Variants in SV2C observed in about 807,000 individuals in gnomAD.
The protein encoded by SV2C is solute carrier family 22 member B3.
SV2C carries 49 observed loss-of-function variants against 79.7 expected under a neutral mutation model. The ratio of observed to expected loss-of-function variants is 0.61; its 90% CI spans 0.49 to 0.78. The LOEUF (loss-of-function observed/expected upper bound fraction) is 0.78, where lower values mean the gene tolerates loss of function less well. Among genes scored for constraint, SV2C ranks in the 30% least tolerant of loss-of-function variants. SV2C has a pLI of 0.00. For synonymous variants in SV2C, 334 were observed against 333.2 expected, an observed-to-expected ratio of 1.00 and a Z score of -0.03; for missense variants, 833 against 912.9, an observed-to-expected ratio of 0.91 and a Z score of 1.13.
the SV2C span, among the ~76,000 whole-genome samples, chr5:75,984,158 T>C: frequency 2.0e-5 from 3 of 152,170 alleles, no homozygotes; most frequent in East Asian, 3.9e-4. Context: ...TAAAATACTC[T>C]AATGGAAACT....
At chr5:76,212,097 A>AT (rs543718592) in intron 4 of SV2C, among the ~76,000 whole-genome samples, 24,893 of 147,544 alleles carry the variant, frequency 0.17, 2,164 homozygotes, top group Non-Finnish European at 0.19. Flanking sequence ...GGAATTCAAG[A>AT]TTTTTTTTTT....
downstream of SV2C, among the ~76,000 whole-genome samples, chr5:76,337,718 C>G (rs894448711): frequency 6.6e-6 from 1 of 152,160 alleles, no homozygotes; most frequent in Non-Finnish European, 1.5e-5. Context: ...AAGCCAGAAA[C>G]AGATAATTCT....
the SV2C span, among the ~76,000 whole-genome samples, chr5:76,077,153 C>T: frequency 2.6e-5 from 4 of 152,020 alleles, no homozygotes; most frequent in Non-Finnish European, 5.9e-5. Context: ...CCTAATTAAA[C>T]GACACATATG....
chr5:76,117,685 C>A (rs1337334863), intron 1 of SV2C, among the ~76,000 whole-genome samples: 1 of 151,936 alleles, frequency 6.6e-6, no homozygotes, highest in African/African-American at 2.4e-5. Flanking sequence ...ATTTTAATAA[C>A]TATTTCTGAG....
the SV2C span, among the ~76,000 whole-genome samples, chr5:75,978,643 A>G: frequency 6.6e-6 from 1 of 152,340 alleles, no homozygotes; most frequent in Admixed American, 6.5e-5. Flanking sequence ...TAGATTATTA[A>G]TAATTTAGTT....
intron 9 of SV2C, 63 bp from the exon 10 acceptor site, chr5:76,298,731 T>G (rs979346209): frequency 1.3e-6 from 2 of 1,580,778 alleles, no homozygotes; most frequent in Non-Finnish European, 1.7e-6. Context: ...ACTATTTGAC[T>G]TAGCTTTGAA....
intron 2 of SV2C, among the ~76,000 whole-genome samples, chr5:76,188,710 A>G (rs1470027129): frequency 6.6e-6 from 1 of 152,172 alleles, no homozygotes; most frequent in African/African-American, 2.4e-5. Flanking sequence ...ATTTCTAATC[A>G]GACACAGAAT....
chr5:75,910,109 C>A, the SV2C span, among the ~76,000 whole-genome samples: 89,209 of 151,950 alleles, frequency 0.59, 27,603 homozygotes, highest in African/African-American at 0.8. Flanking sequence ...CTCAACAAAC[C>A]TTTGATTGAT....
chr5:76,159,456 A>G (rs1357959657), intron 2 of SV2C, among the ~76,000 whole-genome samples: 1 of 152,134 alleles, frequency 6.6e-6, no homozygotes, highest in Non-Finnish European at 1.5e-5. Flanking sequence ...GGCTGCCATA[A>G]CAAAGTACCA....
At chr5:75,901,805 C>A in the SV2C span, among the ~76,000 whole-genome samples, 1 of 152,236 alleles carries the variant, frequency 6.6e-6, no homozygotes, top group African/African-American at 2.4e-5. Flanking sequence ...GGTGCCCCTC[C>A]CCCAGCCTTG....
chr5:76,345,663 T>C (rs1749524352), intron 12 of SV2C, among the ~76,000 whole-genome samples: 1 of 152,212 alleles, frequency 6.6e-6, no homozygotes, highest in Non-Finnish European at 1.5e-5. Context: ...GCTAACTCAA[T>C]AGTAATAGCT....
intron 4 of SV2C, among the ~76,000 whole-genome samples, chr5:76,225,990 A>G (rs1745225238): frequency 6.6e-6 from 1 of 152,190 alleles, no homozygotes; most frequent in Non-Finnish European, 1.5e-5. Flanking sequence ...GGTAAGAGCA[A>G]AGAGTCCTGA....
intron 4 of SV2C, among the ~76,000 whole-genome samples, chr5:76,253,562 G>A (rs981683529): frequency 2.6e-5 from 4 of 152,182 alleles, no homozygotes; most frequent in Middle Eastern, 3.4e-3. Context: ...TTACCATTTA[G>A]GATGGGAGGG....
chr5:75,898,997 T>C, the SV2C span, among the ~76,000 whole-genome samples: 6 of 152,356 alleles, frequency 3.9e-5, no homozygotes, highest in Middle Eastern at 3.4e-3. Flanking sequence ...CTAACAATTT[T>C]GTTGATCCTT....
At chr5:75,934,941 C>T in the SV2C span, among the ~76,000 whole-genome samples, 13 of 148,192 alleles carry the variant, frequency 8.8e-5, no homozygotes, top group African/African-American at 3.3e-4. Context: ...TGTGCACTAA[C>T]CTTTGTTATA....
chr5:76,213,347 A>C (rs1379144483), intron 4 of SV2C, among the ~76,000 whole-genome samples: 2 of 152,238 alleles, frequency 1.3e-5, no homozygotes, highest in African/African-American at 4.8e-5. Context: ...CTGGAGTGCT[A>C]ATGACATTCT....
chr5:76,172,972 G>C (rs1743366756), intron 2 of SV2C, among the ~76,000 whole-genome samples: 1 of 122,420 alleles, frequency 8.2e-6, no homozygotes, highest in Non-Finnish European at 1.7e-5. Flanking sequence ...TTTATCTGCT[G>C]ACCTTCCCTC....
At chr5:76,281,254 TGAA>T (rs1380060706) in intron 4 of SV2C, 1 of 516,302 alleles carries the variant, frequency 1.9e-6, no homozygotes, top group Non-Finnish European at 3.9e-6. Context: ...TAGACTCTGA[TGAA>T]GATGACGATT....
chr5:76,061,256 A>G, the SV2C span, among the ~76,000 whole-genome samples: 3 of 138,322 alleles, frequency 2.2e-5, no homozygotes. Flanking sequence ...GTTGCCACAA[A>G]CCTTCAATTT....
Sources: gnomAD v4.1 joint callset for allele counts (sites outside exome capture counted in the v4.1 genomes callset) on GRCh38, gnomAD v4.1.1 for gene constraint, MANE v1.5 for transcripts, NCBI Gene and HGNC (gene_info 2026-07-23, HGNC 2026-07-21) for gene names.